ATP8A1: variants seen among roughly 807,000 people sequenced by gnomAD.
ATP8A1 encodes phospholipid-transporting ATPase IA.
Under a neutral mutation model 177.7 loss-of-function variants are expected in ATP8A1, and 90 were observed. The ratio of observed to expected loss-of-function variants is 0.51; its 90% CI spans 0.43 to 0.60. ATP8A1 has a LOEUF of 0.60. ATP8A1 is among the 20% of genes least tolerant of loss of function. The pLI is 0.00. For missense variants in ATP8A1, 1,072 were observed against 1,392.8 expected, an observed-to-expected ratio of 0.77 and a Z score of 3.67; for synonymous variants, 493 against 485.9, an observed-to-expected ratio of 1.01 and a Z score of -0.19.
chr4:42,426,416 G>T (rs1577908184), intron 33 of ATP8A1, among the ~76,000 whole-genome samples: 1 of 152,168 alleles, frequency 6.6e-6, no homozygotes, highest in Admixed American at 6.5e-5. Flanking sequence ...TAAAACAGAA[G>T]GCCCTTTGCA....
At position 42,414,734 on chromosome 4, in the gene ATP8A1, A is replaced by C. The variant is rs1379603936; in HGVS notation, c.3306-16T>G. On this transcript the variant is annotated splice_polypyrimidine_tract_variant and intron_variant, in intron 35 of 36. Coordinates refer to ENST00000381668, the MANE Select transcript of ATP8A1 (RefSeq NM_006095.2). The stretch of plus-strand genomic sequence containing the variant: ...CTCGGTCAGGCTGCAGAGCAGGTGC[A>C]AATGTGTGAAATGAATTATCAACTC... 1 of 1,601,862 alleles carries C rather than the reference A, an allele frequency of 6.2e-7. No homozygotes were observed. The highest frequency in any genetic ancestry group is 8.6e-7 in the Non-Finnish European group (1 of 1,168,934).
At chr4:42,581,838 A>C in intron 9 of ATP8A1, 106 bp from the exon 10 acceptor site, 43 of 794,282 alleles carry the variant, frequency 5.4e-5, no homozygotes, top group Non-Finnish European at 7.9e-5. Flanking sequence ...AACCCTTCTC[A>C]TATTTATTTC....
chr4:42,503,521 CCAAACA>C lies in ATP8A1; in HGVS notation c.2087-13_2087-8del, dbSNP rs1356359416. 1 of 1,574,728 alleles carries C rather than the reference CCAAACA, an allele frequency of 6.4e-7. No homozygotes were observed. Among genetic ancestry groups the C allele is most frequent in the Non-Finnish European group, 8.7e-7 (1 of 1,150,714 alleles). On this transcript the variant is annotated splice_polypyrimidine_tract_variant and splice_region_variant and intron_variant, in intron 23 of 36. Transcript: ENST00000381668. Reference sequence around the variant, plus strand: ...AACAGTTTGCAGGAGTGTCCTGTATCCAAACACAGAGTATATTAAAATTAATTTCTC... The same window carrying C: ...AACAGTTTGCAGGAGTGTCCTGTATCCAGAGTATATTAAAATTAATTTCTC...
intron 25 of ATP8A1, among the ~76,000 whole-genome samples, chr4:42,484,518 A>G (rs1476113546): frequency 6.6e-6 from 1 of 152,226 alleles, no homozygotes; most frequent in East Asian, 1.9e-4. Context: ...GGAAATGTCT[A>G]TAAGGTATAG....
chr4:42,540,358 G>A (rs930117581), intron 20 of ATP8A1, among the ~76,000 whole-genome samples: 5 of 152,100 alleles, frequency 3.3e-5, no homozygotes, highest in Admixed American at 6.5e-5. Flanking sequence ...AGCCACTATG[G>A]AAAATAGTAT....
chr4:42,581,115 C>T (rs567275806), intron 10 of ATP8A1, among the ~76,000 whole-genome samples: 56 of 152,090 alleles, frequency 3.7e-4, no homozygotes, highest in Non-Finnish European at 6.2e-4. Context: ...CCAGTATTCC[C>T]GTGTGCAGTT....
chr4:42,555,219 T>G (rs76662014), intron 16 of ATP8A1, among the ~76,000 whole-genome samples: 1 of 63,450 alleles, frequency 1.6e-5, no homozygotes. Flanking sequence ...TGCCCCCCCC[T>G]AGAGAACCCT....
intron 16 of ATP8A1, among the ~76,000 whole-genome samples, chr4:42,555,147 TATCTATC>T (rs1560454845): frequency 0.01 from 779 of 74,384 alleles, 26 homozygotes; most frequent in Non-Finnish European, 0.014. Flanking sequence ...CTAATCTATC[TATCTATC>T]TATCTATCTA....
intron 33 of ATP8A1, among the ~76,000 whole-genome samples, chr4:42,425,897 G>A (rs1359373305): frequency 6.6e-6 from 1 of 152,208 alleles, no homozygotes; most frequent in African/African-American, 2.4e-5. Flanking sequence ...GCTCCCGGGG[G>A]CCTTGAGAAG....
chr4:42,650,266 G>C (rs1293749914), intron 1 of ATP8A1, among the ~76,000 whole-genome samples: 4 of 152,170 alleles, frequency 2.6e-5, no homozygotes, highest in Non-Finnish European at 5.9e-5. Context: ...TAAGTAAAAT[G>C]ACACCTACTT....
At chr4:42,423,819 G>C (rs1714276802) in intron 33 of ATP8A1, 114 bp from the exon 34 acceptor site, 1 of 610,612 alleles carries the variant, frequency 1.6e-6, no homozygotes, top group African/African-American at 1.9e-5. Flanking sequence ...CTGTAAGAGA[G>C]TATACAACTC....
chr4:42,499,894 A>AAC (rs1363966353), intron 24 of ATP8A1, among the ~76,000 whole-genome samples: 1 of 152,248 alleles, frequency 6.6e-6, no homozygotes, highest in Admixed American at 6.5e-5. Context: ...GACAGACTTT[A>AAC]AAAAATTAAA....
At chr4:42,421,966 A>C (rs985594455) in intron 35 of ATP8A1, among the ~76,000 whole-genome samples, 2 of 151,994 alleles carry the variant, frequency 1.3e-5, no homozygotes, top group Admixed American at 6.6e-5. Flanking sequence ...TGTAAGGAAG[A>C]GAACTTGGGA....
chr4:42,646,894 C>T (rs1338722732), intron 1 of ATP8A1, among the ~76,000 whole-genome samples: 2 of 152,150 alleles, frequency 1.3e-5, no homozygotes, highest in Middle Eastern at 3.2e-3. Flanking sequence ...TACAGTTGTC[C>T]CTTTAGCACA....
chr4:42,628,433 C>T (rs1738350669), intron 1 of ATP8A1, among the ~76,000 whole-genome samples: 1 of 152,120 alleles, frequency 6.6e-6, no homozygotes, highest in South Asian at 2.1e-4. Flanking sequence ...CGAGAAACCA[C>T]GCTGAGGAAG....
chr4:42,615,982 T>TATA, intron 5 of ATP8A1, 51 bp downstream of exon 5: 1 of 1,509,164 alleles, frequency 6.6e-7, no homozygotes, highest in Non-Finnish European at 9.2e-7. Flanking sequence ...TGTTTGTATA[T>TATA]ACTACAAGTA....
intron 25 of ATP8A1, among the ~76,000 whole-genome samples, chr4:42,475,674 G>A (rs919356726): frequency 2.0e-5 from 3 of 151,916 alleles, no homozygotes; most frequent in Non-Finnish European, 2.9e-5. Flanking sequence ...TGAATAATAG[G>A]TGCCACGTAT....
chr4:42,444,172 A>G (rs1012036783), intron 32 of ATP8A1, among the ~76,000 whole-genome samples: 1 of 152,188 alleles, frequency 6.6e-6, no homozygotes, highest in Non-Finnish European at 1.5e-5. Flanking sequence ...AAGACTGGGT[A>G]TTTGTCAATG....
chr4:42,470,556 T>A (rs988778798), intron 25 of ATP8A1, among the ~76,000 whole-genome samples: 3 of 152,204 alleles, frequency 2.0e-5, no homozygotes, highest in Non-Finnish European at 4.4e-5. Context: ...TCCACTGGAT[T>A]GTGTTTTGGG....
Sources: gnomAD v4.1 joint callset for allele counts (sites outside exome capture counted in the v4.1 genomes callset) on GRCh38, gnomAD v4.1.1 for gene constraint, MANE v1.5 for transcripts, NCBI Gene and HGNC (gene_info 2026-07-23, HGNC 2026-07-21) for gene names.